SMIM35: variants seen among roughly 807,000 people sequenced by gnomAD.
SMIM35 encodes small integral membrane protein 35, also known as TMPRSS4 antisense RNA 1 (non-protein coding).
chr11:118,029,283 G>A (rs539411270), intron 1 of SMIM35, among the ~76,000 whole-genome samples: 12 of 152,126 alleles, frequency 7.9e-5, no homozygotes, highest in Admixed American at 6.5e-4. Flanking sequence ...CCAACGAAAC[G>A]CCGTCTCTAC....
chr11:118,061,318 T>C (rs1026732730), intron 1 of SMIM35, among the ~76,000 whole-genome samples: 2 of 152,292 alleles, frequency 1.3e-5, no homozygotes, highest in South Asian at 2.1e-4. Flanking sequence ...ATGGAGAAAA[T>C]AATGCCCACC....
At chr11:118,040,788 C>G (rs1352181563) in intron 1 of SMIM35, among the ~76,000 whole-genome samples, 1 of 151,812 alleles carries the variant, frequency 6.6e-6, no homozygotes, top group Non-Finnish European at 1.5e-5. Context: ...ATAACATATA[C>G]AAATGTAATA....
intron 1 of SMIM35, among the ~76,000 whole-genome samples, chr11:118,024,850 A>T (rs983660718): frequency 6.6e-6 from 1 of 152,162 alleles, no homozygotes; most frequent in Admixed American, 6.5e-5. Flanking sequence ...GAGGTTTGGG[A>T]TACAAATGAT....
intron 1 of SMIM35, among the ~76,000 whole-genome samples, chr11:118,048,110 T>C (rs1944132740): frequency 6.6e-6 from 1 of 152,088 alleles, no homozygotes; most frequent in Non-Finnish European, 1.5e-5. Flanking sequence ...TAGCTATGCA[T>C]TTATTTTCAC....
At chr11:118,056,809 A>G (rs1198482909) in intron 1 of SMIM35, among the ~76,000 whole-genome samples, 1 of 152,310 alleles carries the variant, frequency 6.6e-6, no homozygotes, top group East Asian at 1.9e-4. Context: ...GGCAAGCGAG[A>G]TCATTTAACA....
At chr11:118,080,588 A>G (rs1369308336) in intron 1 of SMIM35, among the ~76,000 whole-genome samples, 1 of 152,148 alleles carries the variant, frequency 6.6e-6, no homozygotes, top group Non-Finnish European at 1.5e-5. Context: ...CCCTCAGTGC[A>G]GCTGAGAACC....
chr11:118,011,001 G>A (rs1565378741), intron 4 of SMIM35, among the ~76,000 whole-genome samples: 2 of 152,170 alleles, frequency 1.3e-5, no homozygotes, highest in African/African-American at 2.4e-5. Context: ...CTGCCCTTTA[G>A]AGCCCTCAAC....
At chr11:118,019,138 T>C (rs566719011) in intron 1 of SMIM35, among the ~76,000 whole-genome samples, 1 of 152,324 alleles carries the variant, frequency 6.6e-6, no homozygotes, top group African/African-American at 2.4e-5. Flanking sequence ...TATAGAGATA[T>C]ATAGCATTGT....
At chr11:118,012,006 G>T (rs2058153191) in intron 4 of SMIM35, among the ~76,000 whole-genome samples, 1 of 152,278 alleles carries the variant, frequency 6.6e-6, no homozygotes, top group South Asian at 2.1e-4. Context: ...GGCTGGTGAG[G>T]CTCCCCACCT....
chr11:118,036,665 A>T lies in SMIM35; in HGVS notation c.8-20856T>A, dbSNP rs150119898. On this transcript the variant is annotated intron_variant, in intron 1 of 4. Coordinates refer to ENST00000689828, the MANE Select transcript of SMIM35 (RefSeq NM_001394165.1). ...GTGCCACTTGTGTGAGCCATCAGGG[A>T]GGCAGCTGGCCATGGGGGCAGAGGG... Among the ~76,000 whole-genome samples, 1,048 of 152,326 alleles carry T rather than the reference A, an allele frequency of 6.9e-3. 11 individuals are homozygous for T. The highest frequency in any genetic ancestry group is 0.024 in the Middle Eastern group (7 of 294).
intron 1 of SMIM35, among the ~76,000 whole-genome samples, chr11:118,066,399 T>C (rs989508697): frequency 6.6e-6 from 1 of 151,950 alleles, no homozygotes; most frequent in African/African-American, 2.4e-5. Flanking sequence ...AGGCTCTCCA[T>C]CCACACAGCT....
At chr11:118,083,353 C>T (rs1172533400) in intron 1 of SMIM35, among the ~76,000 whole-genome samples, 1 of 152,204 alleles carries the variant, frequency 6.6e-6, no homozygotes, top group South Asian at 2.1e-4. Flanking sequence ...CCCTCTCTTC[C>T]GAGAGAGTTC....
chr11:118,062,801 A>G (rs1944411681), intron 1 of SMIM35, among the ~76,000 whole-genome samples: 1 of 152,156 alleles, frequency 6.6e-6, no homozygotes, highest in Non-Finnish European at 1.5e-5. Flanking sequence ...CAGCTTGAAT[A>G]GGAGCTGGGT....
chr11:118,069,993 G>A (rs879184879), intron 1 of SMIM35, among the ~76,000 whole-genome samples: 1 of 152,070 alleles, frequency 6.6e-6, no homozygotes, highest in Non-Finnish European at 1.5e-5. Flanking sequence ...CCAGGAAGGC[G>A]GAGGTTGCAG....
At chr11:118,019,555 T>A (rs1007657898) in intron 1 of SMIM35, among the ~76,000 whole-genome samples, 1 of 152,240 alleles carries the variant, frequency 6.6e-6, no homozygotes, top group Non-Finnish European at 1.5e-5. Flanking sequence ...TCTTTGGCTG[T>A]GGTTTGCCTC....
intron 1 of SMIM35, among the ~76,000 whole-genome samples, chr11:118,063,598 CA>C (rs1378789599): frequency 2.0e-5 from 3 of 152,134 alleles, no homozygotes; most frequent in African/African-American, 7.2e-5. Flanking sequence ...TCAGGTAGAT[CA>C]GGGGCTGATC....
At chr11:118,022,836 G>C (rs543922721) in intron 1 of SMIM35, among the ~76,000 whole-genome samples, 2 of 151,940 alleles carry the variant, frequency 1.3e-5, no homozygotes, top group Non-Finnish European at 2.9e-5. Flanking sequence ...AGAAAAACTC[G>C]TAATTCACAG....
chr11:118,014,656 T>C (rs975445347), intron 3 of SMIM35, 52 bp downstream of exon 3: 5 of 398,812 alleles, frequency 1.3e-5, no homozygotes, highest in Admixed American at 4.4e-5. Flanking sequence ...CTTTTTCCAT[T>C]ATATCTACCC....
At chr11:118,080,507 C>T (rs1165937829) in intron 1 of SMIM35, among the ~76,000 whole-genome samples, 2 of 152,156 alleles carry the variant, frequency 1.3e-5, no homozygotes, top group Non-Finnish European at 2.9e-5. Context: ...TGCCTGGGTG[C>T]TTCCCTGGAG....
Sources: gnomAD v4.1 joint callset for allele counts (sites outside exome capture counted in the v4.1 genomes callset) on GRCh38, gnomAD v4.1.1 for gene constraint, MANE v1.5 for transcripts, NCBI Gene and HGNC (gene_info 2026-07-23, HGNC 2026-07-21) for gene names.